The following PARD3 variants were observed in gnomAD, a reference collection of about 807,000 sequenced individuals.
PARD3 encodes par-3 family cell polarity regulator.
Under a neutral mutation model 155.4 loss-of-function variants are expected in PARD3, and 75 were observed. That is an observed-to-expected ratio of 0.48 (90% confidence interval 0.40 to 0.58). The LOEUF (loss-of-function observed/expected upper bound fraction) is 0.58, where lower values mean the gene tolerates loss of function less well. Ranked by LOEUF, PARD3 falls within the 20% of genes least tolerant of loss-of-function variation. The pLI, the probability that PARD3 is intolerant of heterozygous loss-of-function variation, is 0.00. For synonymous variants in PARD3, 576 were observed against 610.5 expected, an observed-to-expected ratio of 0.94 and a Z score of 0.83; for missense variants, 1,642 against 1,721.7, an observed-to-expected ratio of 0.95 and a Z score of 0.82.
intron 22 of PARD3, among the ~76,000 whole-genome samples, chr10:34,171,667 G>A (rs1949799169): frequency 6.6e-6 from 1 of 151,836 alleles, no homozygotes; most frequent in Non-Finnish European, 1.5e-5. Context: ...AGAGTCCTCA[G>A]GCCAGGTGCG....
At chr10:34,239,817 A>AG (rs1211258693) in intron 22 of PARD3, among the ~76,000 whole-genome samples, 1 of 151,954 alleles carries the variant, frequency 6.6e-6, no homozygotes, top group African/African-American at 2.4e-5. Flanking sequence ...AAAAAAAAAA[A>AG]ATTGGTGTTT....
intron 22 of PARD3, among the ~76,000 whole-genome samples, chr10:34,227,619 C>T (rs564560305): frequency 3.3e-5 from 5 of 152,152 alleles, no homozygotes; most frequent in Admixed American, 1.3e-4. Context: ...GCCTGGGCAA[C>T]AAGAGCGAAA....
At chr10:34,589,129 A>G (rs1002426590) in intron 2 of PARD3, among the ~76,000 whole-genome samples, 15 of 152,094 alleles carry the variant, frequency 9.9e-5, no homozygotes, top group African/African-American at 3.4e-4. Flanking sequence ...ATGGTCCAAA[A>G]CTCAACCAGC....
chr10:34,355,944 A>AC (rs1322755538), intron 14 of PARD3, among the ~76,000 whole-genome samples: 1 of 130,072 alleles, frequency 7.7e-6, no homozygotes, highest in East Asian at 2.0e-4. Context: ...AAAAAAAAAA[A>AC]AACAAAACAA....
chr10:34,419,473 T>C (rs1005973021), intron 5 of PARD3, among the ~76,000 whole-genome samples: 1 of 151,938 alleles, frequency 6.6e-6, no homozygotes, highest in African/African-American at 2.4e-5. Flanking sequence ...GCAGAGATTG[T>C]GCCACTGCAC....
chr10:34,632,517 G>T (rs990995543), intron 2 of PARD3, among the ~76,000 whole-genome samples: 4 of 152,168 alleles, frequency 2.6e-5, no homozygotes, highest in African/African-American at 9.7e-5. Flanking sequence ...GAGAAGAACA[G>T]TATCTCAGAA....
chr10:34,502,581 G>GAC (rs1370195630), intron 3 of PARD3, among the ~76,000 whole-genome samples: 3 of 151,738 alleles, frequency 2.0e-5, no homozygotes, highest in African/African-American at 7.3e-5. Context: ...GCGATATATA[G>GAC]ACACACACAC....
At chr10:34,636,080 A>ACG in intron 2 of PARD3, among the ~76,000 whole-genome samples, 1 of 151,886 alleles carries the variant, frequency 6.6e-6, no homozygotes. Context: ...GAAGGAAGGA[A>ACG]GAAGGAAGAA....
rs183418283 is a variant in PARD3 at position 34,741,862 on chromosome 10, G to T, written c.121-45443C>A. 3.3e-5 allele frequency among the ~76,000 whole-genome samples: 5 copies of T among 152,272 alleles called. No homozygotes were observed. The East Asian group carries it at 9.7e-4, about 29-fold the overall frequency. On this transcript the variant is annotated intron_variant, in intron 1 of 24. Coordinates refer to ENST00000374788, the MANE Select transcript of PARD3 (RefSeq NM_001184785.2). ...AAGTACTTCAAAAAGACCATTACTG[G>T]TTTTTGTAAACTCACAGGATGATTC...
At chr10:34,776,609 G>A (rs11009929) in intron 1 of PARD3, among the ~76,000 whole-genome samples, 2,546 of 151,258 alleles carry the variant, frequency 0.017, 64 homozygotes, top group African/African-American at 0.059. Context: ...GCTATATTTG[G>A]GGCCAGGAAG....
chr10:34,276,808 T>C (rs888948397), intron 21 of PARD3, among the ~76,000 whole-genome samples: 22 of 152,288 alleles, frequency 1.4e-4, no homozygotes, highest in African/African-American at 5.3e-4. Flanking sequence ...AATACCTCCA[T>C]TTCCAAAGCT....
chr10:34,464,900 A>G (rs2077906123), intron 4 of PARD3, among the ~76,000 whole-genome samples: 1 of 152,212 alleles, frequency 6.6e-6, no homozygotes, highest in Non-Finnish European at 1.5e-5. Flanking sequence ...ATTTCAAATT[A>G]CAATCATCCC....
intron 21 of PARD3, among the ~76,000 whole-genome samples, chr10:34,278,681 G>A (rs1253861196): frequency 6.6e-6 from 1 of 152,114 alleles, no homozygotes; most frequent in African/African-American, 2.4e-5. Flanking sequence ...TTCCCATTCT[G>A]CCATGATTGT....
intron 23 of PARD3, among the ~76,000 whole-genome samples, chr10:34,127,414 G>A (rs769024246): frequency 2.0e-5 from 3 of 152,058 alleles, no homozygotes; most frequent in Admixed American, 2.0e-4. Flanking sequence ...ACAGCTCCGT[G>A]GTTCTCAACA....
intron 2 of PARD3, among the ~76,000 whole-genome samples, chr10:34,661,612 A>G (rs2093327765): frequency 6.6e-6 from 1 of 152,254 alleles, no homozygotes; most frequent in Admixed American, 6.5e-5. Flanking sequence ...CATAGAATAA[A>G]GGGGGAAGAA....
intron 14 of PARD3, among the ~76,000 whole-genome samples, chr10:34,356,883 T>C (rs1356866591): frequency 6.6e-6 from 1 of 152,254 alleles, no homozygotes; most frequent in Non-Finnish European, 1.5e-5. Flanking sequence ...GATTTTTTGA[T>C]ATAATTGCTT....
At chr10:34,129,700 C>CTTTTTTTTTTTTTTTTTTT (rs1209547388) in intron 23 of PARD3, among the ~76,000 whole-genome samples, 5 of 82,978 alleles carry the variant, frequency 6.0e-5, no homozygotes, top group African/African-American at 2.3e-4. Flanking sequence ...TGTCAAGCCT[C>CTTTTTTTTTTTTTTTTTTT]TTTTTTTTTT....
In PARD3 at chr10:34,813,980, G is replaced by A. The variant is rs76265635; in HGVS notation, c.120+896C>T. Among the ~76,000 whole-genome samples the A allele has an allele frequency of 1.8e-3, 276 of 152,336 alleles. 7 individuals carry two copies. The East Asian group carries it at 0.048, about 27-fold the overall frequency. ...GCCTTTTCACTTCTGACACACAGTA[G>A]AGGAATGCTGTGAAGTGGAGACAAT... On this transcript the variant is annotated intron_variant, in intron 1 of 24. Transcript: ENST00000374788.
At chr10:34,366,553 A>C (rs1839984689) in intron 12 of PARD3, among the ~76,000 whole-genome samples, 1 of 152,182 alleles carries the variant, frequency 6.6e-6, no homozygotes, top group Non-Finnish European at 1.5e-5. Context: ...CTCTAAAAAA[A>C]ACCATGCCAT....
Sources: allele counts gnomAD v4.1 joint callset (sites outside exome capture counted in the v4.1 genomes callset), GRCh38; gene constraint gnomAD v4.1.1; transcripts MANE v1.5; gene names NCBI Gene and HGNC (gene_info 2026-07-23, HGNC 2026-07-21).